MMP27: variants seen among roughly 807,000 people sequenced by gnomAD.
The protein encoded by MMP27 is matrix metallopeptidase 27.
MMP27 carries 51 observed loss-of-function variants against 48.1 expected under a neutral mutation model. The observed-to-expected ratio is 1.06, with a 90% CI of 0.85 to 1.34. The LOEUF (loss-of-function observed/expected upper bound fraction) is 1.34. Ranked by LOEUF, MMP27 falls within the 40% of genes most tolerant of loss-of-function variation. The pLI, the probability that MMP27 is intolerant of heterozygous loss-of-function variation, is 0.00. For synonymous variants in MMP27, 229 were observed against 208.9 expected (o/e 1.10, Z -0.83); for missense variants, 698 against 619.3 (o/e 1.13, Z -1.35).
chr11:102,702,769 C>T lies in MMP27; in HGVS notation c.603G>A (p.Trp201Ter). 6.2e-7 allele frequency: 1 copy of T among 1,611,076 alleles called. No individual in the cohort carries two copies. Among genetic ancestry groups the T allele is most frequent in the Non-Finnish European group, 8.5e-7 (1 of 1,179,382 alleles). The change falls in exon 4 of 10, where the codon TGG becomes TGA. Residue 201 changes from tryptophan (W) to a stop codon, truncating the protein, a stop_gained. Coordinates refer to ENST00000260229, the MANE Select transcript of MMP27 (RefSeq NM_022122.3). LOFTEE classifies it high-confidence loss of function. ...TAGACTCACCTGCTCCATCCTTGGT[C>T]CAGTTTTCATCCTCATCAAAATGAG... ...GDTHFDEDEN[W>*]TKDGAGFNLF...
At chr11:102,692,213 G>C (rs983327246) in intron 9 of MMP27, among the ~76,000 whole-genome samples, 1 of 152,168 alleles carries the variant, frequency 6.6e-6, no homozygotes, top group African/African-American at 2.4e-5. Context: ...TGTTATAAAG[G>C]GTGAGTTTCA....
chr11:102,705,448 C>T (rs1861028907), intron 1 of MMP27, among the ~76,000 whole-genome samples, 165 bp downstream of exon 1: 1 of 152,170 alleles, frequency 6.6e-6, no homozygotes, highest in Non-Finnish European at 1.5e-5. Context: ...TCCTCCCCAA[C>T]ACAATTTCCT....
At chr11:102,693,238 T>C (rs1860758266) in intron 8 of MMP27, among the ~76,000 whole-genome samples, 197 bp from the exon 9 acceptor site, 1 of 152,146 alleles carries the variant, frequency 6.6e-6, no homozygotes, top group African/African-American at 2.4e-5. Context: ...AAACAAGAAA[T>C]GATCAGGGAA....
rs759821103 is a variant in MMP27 at position 102,702,863 on chromosome 11, C to T, written c.509G>A (p.Arg170His). Residue 170 changes from arginine to histidine, a missense_variant, in exon 4 of 10, where the codon CGC becomes CAC. Coordinates refer to ENST00000260229, the MANE Select transcript of MMP27 (RefSeq NM_022122.3). ...CACTCCCAAGGGACCATCAAAATAGCGAGGACACCGACCATGGACTGAGAT... is the reference window on the plus strand; with the variant it reads ...CACTCCCAAGGGACCATCAAAATAGTGAGGACACCGACCATGGACTGAGAT... Reference protein sequence around the residue: ...FRTRVHGRCPRYFDGPLGVLG... With the variant: ...FRTRVHGRCPHYFDGPLGVLG... 2.9e-5 allele frequency: 46 copies of T among 1,613,652 alleles called. No individual in the cohort carries two copies. The highest frequency in any genetic ancestry group is 6.6e-5 in the South Asian group (6 of 91,002).
At chr11:102,702,231 A>G (rs1860953029) in intron 4 of MMP27, among the ~76,000 whole-genome samples, 1 of 152,262 alleles carries the variant, frequency 6.6e-6, no homozygotes, top group South Asian at 2.1e-4. Context: ...GAGTTAGAAG[A>G]GGAAGTTCAT....
rs150764969 is a variant in MMP27, at chr11:102,694,036, C to G, written c.1063G>C (p.Ala355Pro). 198 of 1,599,680 alleles carry G rather than the reference C, an allele frequency of 1.2e-4. No homozygotes were observed. Among genetic ancestry groups the G allele is most frequent in the Non-Finnish European group, 1.6e-4 (192 of 1,173,690 alleles). The part of the protein sequence containing the change: ...DENFWMIRGY[A>P]VLPDYPKSIH... Reference sequence around the variant, plus strand: ...GATTTGGGATAATCTGGCAAGACAGCATATCCTCTGATCATCCAGAAGTTT... The same window carrying G: ...GATTTGGGATAATCTGGCAAGACAGGATATCCTCTGATCATCCAGAAGTTT... Residue 355 changes from alanine (A) to proline (P), a missense_variant, in exon 8 of 10, where the codon GCT becomes CCT. Ala to Pro is a conservative substitution (Grantham distance 27). Transcript: ENST00000260229.
chr11:102,700,769 T>C (rs1201656714), intron 4 of MMP27, among the ~76,000 whole-genome samples: 1 of 152,258 alleles, frequency 6.6e-6, no homozygotes, highest in Admixed American at 6.5e-5. Flanking sequence ...ACAATAGGCT[T>C]GGCACCTGGC....
At position 102,693,986 on chromosome 11, in the gene MMP27, T is replaced by A. The variant is rs1356469527; in HGVS notation, c.1113A>T (p.Gly371=). The A allele has an allele frequency of 6.2e-7, 1 of 1,611,476 alleles. No homozygotes were observed. The highest frequency in any genetic ancestry group is 1.7e-5 in the Admixed American group (1 of 59,696). ...PKSIHTLGFP[G]RVKKIDAAVC... ...CGGCTGCATCTATTTTCTTCACACG[T>A]CCTGGAAAACCTAATGTATGGATGG... Residue 371 remains glycine (G), a synonymous_variant, in exon 8 of 10, where the codon GGA becomes GGT. Transcript: ENST00000260229.
intron 9 of MMP27, 116 bp downstream of exon 9, chr11:102,692,822 A>G (rs1049818753): frequency 1.4e-6 from 1 of 739,370 alleles, no homozygotes; most frequent in Non-Finnish European, 2.3e-6. Context: ...ATTATTGTAT[A>G]TACTTAAGAG....
chr11:102,693,915 C>A lies in MMP27; in HGVS notation c.1184G>T (p.Trp395Leu), dbSNP rs1260401032. The A allele has an allele frequency of 1.3e-6, 2 of 1,595,538 alleles. No individual in the cohort carries two copies. The highest frequency in any genetic ancestry group is 8.5e-7 in the Non-Finnish European group (1 of 1,172,600). Reference protein sequence around the residue: ...TRKTYFFVGIWCWRFDEMTQT... With the variant: ...TRKTYFFVGILCWRFDEMTQT... The stretch of plus-strand genomic sequence containing the variant: ...TTGTCTGTAAACTTACCTCCAGCAC[C>A]AAATGCCCACAAAGAAGTAGGTTTT... The change falls in exon 8 of 10, where the codon TGG (tryptophan) becomes TTG (leucine). Residue 395 changes from tryptophan to leucine, a missense_variant. By Grantham distance (61) the Trp-to-Leu change is moderately conservative (BLOSUM62 -2). Coordinates refer to ENST00000260229, the MANE Select transcript of MMP27 (RefSeq NM_022122.3).
intron 9 of MMP27, 81 bp downstream of exon 9, chr11:102,692,857 G>A: frequency 1.8e-6 from 2 of 1,138,292 alleles, no homozygotes; most frequent in East Asian, 4.8e-5. Context: ...TAAAATAAAA[G>A]CATTTAAGTT....
In MMP27 at chr11:102,697,732, C is replaced by T. The variant is rs980147042; in HGVS notation, c.620-897G>A. ...TGTTGCCCAGGCTGATCTTGAACTC[C>T]AGGCTAAAGCAATCCTCCGGCTTGG... On this transcript the variant is annotated intron_variant, in intron 4 of 9. Coordinates refer to ENST00000260229, the MANE Select transcript of MMP27 (RefSeq NM_022122.3). Among the ~76,000 whole-genome samples the T allele has an allele frequency of 2.0e-5, 3 of 152,190 alleles. 1 individual carries two copies. Among genetic ancestry groups the T allele is most frequent in the South Asian group, 4.1e-4 (2 of 4,822 alleles).
At chr11:102,695,801 G>T (rs1417539479) in intron 6 of MMP27, among the ~76,000 whole-genome samples, 1 of 152,160 alleles carries the variant, frequency 6.6e-6, no homozygotes, top group Non-Finnish European at 1.5e-5. Flanking sequence ...ACACCATGCT[G>T]TAACTTAAGT....
chr11:102,694,546 A>G (rs1251823540), intron 7 of MMP27, among the ~76,000 whole-genome samples: 2 of 152,230 alleles, frequency 1.3e-5, no homozygotes, highest in Admixed American at 1.3e-4. Context: ...TCAAGTAAAC[A>G]ATGACTAACT....
chr11:102,696,407 G>T lies in MMP27; in HGVS notation c.866C>A (p.Thr289Lys). The T allele has an allele frequency of 6.2e-7, 1 of 1,613,854 alleles. No homozygotes were observed. Among genetic ancestry groups the T allele is most frequent in the Non-Finnish European group, 8.5e-7 (1 of 1,179,822 alleles). The change falls in exon 6 of 10, where the codon ACA (threonine) becomes AAA (lysine). Residue 289 changes from threonine to lysine, a missense_variant. By Grantham distance (78) the Thr-to-Lys change is moderately conservative. Coordinates refer to ENST00000260229, the MANE Select transcript of MMP27 (RefSeq NM_022122.3). ...GAACATTACTTCTCTGCGGAAAGTTGTGATAGCGTCAAAAGTCAAGTCAGG... is the reference window on the plus strand; with the variant it reads ...GAACATTACTTCTCTGCGGAAAGTTTTGATAGCGTCAAAAGTCAAGTCAGG... ...CDPDLTFDAI[T>K]TFRREVMFFK... is the part of the protein sequence containing the mutation.
intron 4 of MMP27, among the ~76,000 whole-genome samples, chr11:102,701,729 C>G (rs1255747390): frequency 6.6e-6 from 1 of 152,314 alleles, no homozygotes; most frequent in South Asian, 2.1e-4. Context: ...GAACCTCAGC[C>G]AGTACTGACT....
chr11:102,693,801 TA>T lies in MMP27; in HGVS notation c.1193+104del, dbSNP rs1860770080. 3.9e-6 allele frequency: 4 copies of T among 1,028,054 alleles called. No homozygotes were observed. In the East Asian group the frequency reaches 8.8e-5, roughly 23 times the overall value. 63.7% of individuals were successfully genotyped at this position (1,028,054 alleles called of 1,614,324 possible). On this transcript the variant is annotated intron_variant, in intron 8 of 9. Transcript: ENST00000260229. ...CTCCATCTCAAAAAAAATAAAAAAA[TA>T]AAAAATATTATGGATTCATTTTAAT...
At position 102,692,016 on chromosome 11, in the gene MMP27, G is replaced by A. The variant is rs1323162771; in HGVS notation, c.1298-6C>T. ...ACGGCTGAAAAAGAAGAATCCTAGA[G>A]ACAGGGAATCAGGATTAGTTATCTT... On this transcript the variant is annotated splice_region_variant and splice_polypyrimidine_tract_variant and intron_variant, in intron 9 of 9. Transcript: ENST00000260229. The A allele has an allele frequency of 1.1e-5, 18 of 1,587,870 alleles. No homozygotes were observed. The highest frequency in any genetic ancestry group is 1.5e-5 in the Non-Finnish European group (18 of 1,166,930).
chr11:102,695,110 A>G lies in MMP27; in HGVS notation c.903-13T>C. 1 of 1,611,504 alleles carries G rather than the reference A, an allele frequency of 6.2e-7. No individual in the cohort carries two copies. On this transcript the variant is annotated splice_polypyrimidine_tract_variant and intron_variant, in intron 6 of 9. Coordinates refer to ENST00000260229, the MANE Select transcript of MMP27 (RefSeq NM_022122.3). ...CCTCCATAGGTGCCTGTGTTAAACA[A>G]AAAACACTTTACACATGCAGCCTAT...
Sources: allele counts gnomAD v4.1 joint callset (sites outside exome capture counted in the v4.1 genomes callset), GRCh38; gene constraint gnomAD v4.1.1; transcripts MANE v1.5; gene names NCBI Gene and HGNC (gene_info 2026-07-23, HGNC 2026-07-21).